The following PRKDC variants were observed in gnomAD, a reference collection of about 807,000 sequenced individuals.
PRKDC encodes the protein protein kinase, DNA-activated, catalytic subunit.
Under a neutral mutation model 486.9 loss-of-function variants are expected in PRKDC, and 82 were observed. The ratio of observed to expected loss-of-function variants is 0.17; its 90% CI spans 0.14 to 0.20. The LOEUF (loss-of-function observed/expected upper bound fraction) is 0.20. PRKDC is among the 10% of genes least tolerant of loss of function. The pLI, the probability that PRKDC is intolerant of heterozygous loss-of-function variation, is 1.00. For synonymous variants in PRKDC, 1,895 were observed against 1,837.0 expected (o/e 1.03, Z -0.81); for missense variants, 4,504 against 5,038.2 (o/e 0.89, Z 3.21).
At chr8:47,928,971 T>C in intron 19 of PRKDC, 121 bp downstream of exon 19, 1 of 794,324 alleles carries the variant, frequency 1.3e-6, no homozygotes, top group Non-Finnish European at 2.0e-6. Flanking sequence ...ATTAAGGGCA[T>C]GAGCCACCGC....
At chr8:47,921,354 G>A (rs1369637793) in intron 21 of PRKDC, among the ~76,000 whole-genome samples, 1 of 152,098 alleles carries the variant, frequency 6.6e-6, no homozygotes, top group Non-Finnish European at 1.5e-5. Context: ...TAATTACGTT[G>A]TGCAGCATGC....
chr8:47,837,437 A>G lies in PRKDC; in HGVS notation c.7554-18T>C, dbSNP rs2088052182. ...TAATTAATCTGAAAAGCAAAGAGAA[A>G]AAAGTATATTGCTTAGACAATGGCA... is the stretch of plus-strand genomic sequence containing the variant. On this transcript the variant is annotated intron_variant, in intron 56 of 85. Coordinates refer to ENST00000314191, the MANE Select transcript of PRKDC (RefSeq NM_006904.7). 1 of 1,558,040 alleles carries G rather than the reference A, an allele frequency of 6.4e-7. No homozygotes were observed. The highest frequency in any genetic ancestry group is 8.8e-7 in the Non-Finnish European group (1 of 1,131,716).
rs1014285595 is a variant in PRKDC at position 47,834,686 on chromosome 8, CTTTTT to C, written c.7952-295_7952-291del. ...ACTGAAAGGTGCTAAGAACCCCTGACTTTTTTTTTTTTTTTTTTTTTTGAGACGGA... is the reference window on the plus strand; with the variant it reads ...ACTGAAAGGTGCTAAGAACCCCTGACTTTTTTTTTTTTTTTTTGAGACGGA... On this transcript the variant is annotated intron_variant, in intron 58 of 85. Coordinates refer to ENST00000314191, the MANE Select transcript of PRKDC (RefSeq NM_006904.7). Among the ~76,000 whole-genome samples, 4 of 96,760 alleles carry C rather than the reference CTTTTT, an allele frequency of 4.1e-5. No homozygotes were observed. In the East Asian group the frequency reaches 8.7e-4, roughly 21 times the overall value. 63.5% of individuals were successfully genotyped at this position (96,760 alleles called of 152,430 possible). A position where few individuals can be genotyped will look rare whatever the true frequency, so the allele number is the denominator to read the frequency against.
intron 32 of PRKDC, among the ~76,000 whole-genome samples, chr8:47,889,844 T>C (rs2089420328): frequency 6.6e-6 from 1 of 152,192 alleles, no homozygotes; most frequent in Admixed American, 6.5e-5. Flanking sequence ...CATTGTAATT[T>C]TGCAAATTGC....
At chr8:47,888,867 C>G in intron 33 of PRKDC, 147 bp downstream of exon 33, 1 of 1,063,706 alleles carries the variant, frequency 9.4e-7, no homozygotes, top group Non-Finnish European at 1.3e-6. Flanking sequence ...AATGTGTTTT[C>G]TAAACAACTA....
intron 6 of PRKDC, 25 bp downstream of exon 6, chr8:47,953,782 C>G: frequency 6.4e-7 from 1 of 1,574,776 alleles, no homozygotes; most frequent in Non-Finnish European, 8.6e-7. Flanking sequence ...TCTATGGAAG[C>G]AGAATGTCAT....
Position 47,888,648 on chromosome 8 carries a change from A to G in PRKDC, c.4283T>C (p.Ile1428Thr). The stretch of plus-strand genomic sequence containing the variant: ...CAAGTTGACGGCACAAAGCTCCTCA[A>G]TGCTGGCCATGTGACAAAACAGTAA... Reference protein sequence around the residue: ...HLREKITAQSIEELCAVNLYG... With the variant: ...HLREKITAQSTEELCAVNLYG... Residue 1428 changes from isoleucine to threonine, a missense_variant and splice_region_variant, in exon 34 of 86, where the codon ATT becomes ACT. By Grantham distance (89) the Ile-to-Thr change is moderately conservative. Transcript: ENST00000314191. The G allele has an allele frequency of 1.3e-6, 2 of 1,577,662 alleles. No homozygotes were observed. Among genetic ancestry groups the G allele is most frequent in the Non-Finnish European group, 1.7e-6 (2 of 1,163,212 alleles).
chr8:47,823,473 C>A (rs1181382969), intron 64 of PRKDC, among the ~76,000 whole-genome samples: 1 of 151,858 alleles, frequency 6.6e-6, no homozygotes, highest in Non-Finnish European at 1.5e-5. Flanking sequence ...CAGCACCATA[C>A]TTCCTGTGCA....
chr8:47,792,480 G>A (rs1294736330), intron 74 of PRKDC, among the ~76,000 whole-genome samples: 1 of 152,038 alleles, frequency 6.6e-6, no homozygotes. Context: ...GGATGGTCTC[G>A]ATCTCCTGAC....
rs1402611771 is a variant in PRKDC at position 47,798,358 on chromosome 8, A to G, written c.10337T>C (p.Val3446Ala). 1 of 1,611,406 alleles carries G rather than the reference A, an allele frequency of 6.2e-7. No homozygotes were observed. The highest frequency in any genetic ancestry group is 1.7e-5 in the Admixed American group (1 of 59,472). Residue 3446 changes from valine (V) to alanine (A), a missense_variant, in exon 73 of 86, where the codon GTG becomes GCG. Val to Ala is a moderately conservative substitution (Grantham distance 64, BLOSUM62 0). This residue lies in a region of PRKDC where 706 missense variants were observed against 945.0 expected (regional missense o/e 0.75). Transcript: ENST00000314191. Reference sequence around the variant, plus strand: ...TAAAGCTTTCAACATTTTCTCCACCACAAGTGCTGGATACGCCTGCAGTTC... The same window carrying G: ...TAAAGCTTTCAACATTTTCTCCACCGCAAGTGCTGGATACGCCTGCAGTTC... ...SAELQAYPAL[V>A]VEKMLKALKL... is the part of the protein sequence containing the mutation.
intron 54 of PRKDC, among the ~76,000 whole-genome samples, chr8:47,848,516 AAACT>A (rs1489789811): frequency 6.6e-6 from 1 of 152,160 alleles, no homozygotes; most frequent in Non-Finnish European, 1.5e-5. Context: ...AAGAGTTGAA[AAACT>A]AACTACTAGG....
chr8:47,871,898 C>T (rs2088961840), intron 40 of PRKDC, among the ~76,000 whole-genome samples: 1 of 151,722 alleles, frequency 6.6e-6, no homozygotes. Context: ...GCCAGGAGTT[C>T]TTTAATATGA....
intron 83 of PRKDC, 28 bp from the exon 84 acceptor site, chr8:47,777,902 A>C (rs779371790): frequency 1.2e-6 from 2 of 1,602,732 alleles, no homozygotes; most frequent in South Asian, 2.2e-5. Flanking sequence ...CAAGGAGCAG[A>C]ATATGTAAGC....
intron 74 of PRKDC, among the ~76,000 whole-genome samples, chr8:47,791,532 GA>G (rs961321927): frequency 5.3e-5 from 8 of 150,412 alleles, no homozygotes; most frequent in Admixed American, 2.7e-4. Flanking sequence ...AACTCAACAG[GA>G]AAAAAAAATC....
intron 21 of PRKDC, 118 bp downstream of exon 21, chr8:47,927,076 C>T (rs1054217803): frequency 1.1e-6 from 1 of 937,322 alleles, no homozygotes; most frequent in African/African-American, 1.7e-5. Context: ...AGCAATCAAA[C>T]ATATTTTGAA....
chr8:47,798,523 T>A, intron 72 of PRKDC, 126 bp from the exon 73 acceptor site: 1 of 1,000,188 alleles, frequency 1.0e-6, no homozygotes, highest in Non-Finnish European at 1.4e-6. Flanking sequence ...TCTTCTTAAC[T>A]ACCACTTTAC....
chr8:47,893,577 T>C (rs2089511628), intron 30 of PRKDC, among the ~76,000 whole-genome samples, 190 bp from the exon 31 acceptor site: 5 of 152,218 alleles, frequency 3.3e-5, no homozygotes, highest in Admixed American at 2.6e-4. Context: ...CCTCAAACAT[T>C]ATAAAAATAG....
chr8:47,894,288 GAA>G lies in PRKDC; in HGVS notation c.3599-903_3599-902del, dbSNP rs1248430518. ...TGAGACTCGGTATAAAAAAAAGAAA[GAA>G]AGAGAGAACATTTTGTATATTAAGA... On this transcript the variant is annotated intron_variant, in intron 30 of 85. Coordinates refer to ENST00000314191, the MANE Select transcript of PRKDC (RefSeq NM_006904.7). Among the ~76,000 whole-genome samples the G allele has an allele frequency of 3.3e-5, 5 of 152,136 alleles. No individual in the cohort carries two copies. In the East Asian group the frequency reaches 9.7e-4, roughly 29 times the overall value.
chr8:47,803,674 G>T (rs1563742970), intron 69 of PRKDC, among the ~76,000 whole-genome samples, 194 bp from the exon 70 acceptor site: 1 of 152,132 alleles, frequency 6.6e-6, no homozygotes, highest in Non-Finnish European at 1.5e-5. Flanking sequence ...TTCAGGCCAG[G>T]TTTAGTGGCT....
Sources: gnomAD v4.1 joint callset for allele counts (sites outside exome capture counted in the v4.1 genomes callset) on GRCh38, gnomAD v4.1.1 for gene constraint, gnomAD v4.1.1 regional missense constraint, MANE v1.5 for transcripts, NCBI Gene and HGNC (gene_info 2026-07-23, HGNC 2026-07-21) for gene names.